The following PEX5 variants were observed in gnomAD, a reference collection of about 807,000 sequenced individuals.
PEX5 encodes the protein PTS1 receptor.
Under a neutral mutation model 82.9 loss-of-function variants are expected in PEX5, and 52 were observed. That is an observed-to-expected ratio of 0.63 (90% CI 0.50 to 0.79). The LOEUF (loss-of-function observed/expected upper bound fraction) is 0.79. Among genes scored for constraint, PEX5 ranks in the 30% least tolerant of loss-of-function variants. The probability of loss-of-function intolerance (pLI) is 0.00; values close to 1 mark genes in which losing one functional copy is unlikely to be tolerated. For missense variants in PEX5, 719 were observed against 815.2 expected (o/e 0.88, Z 1.44); for synonymous variants, 300 against 318.8 (o/e 0.94, Z 0.63).
downstream of PEX5, among the ~76,000 whole-genome samples, chr12:7,211,965 T>C (rs1945611048): frequency 2.1e-5 from 2 of 94,002 alleles, no homozygotes; most frequent in African/African-American, 8.1e-5. Flanking sequence ...ATTTTTTTTT[T>C]TTTGTTTTTT....
downstream of PEX5, among the ~76,000 whole-genome samples, chr12:7,212,580 G>A (rs1945651486): frequency 6.6e-6 from 1 of 151,826 alleles, no homozygotes; most frequent in African/African-American, 2.4e-5. Flanking sequence ...AATCATTTAT[G>A]GAATAATTTC....
downstream of PEX5, among the ~76,000 whole-genome samples, chr12:7,213,503 A>T (rs1164494675): frequency 5.1e-5 from 7 of 137,228 alleles, no homozygotes; most frequent in Non-Finnish European, 7.9e-5. Context: ...TAAATGGTGC[A>T]GGGAAAACTG....
chr12:7,212,545 C>G (rs1361817316), downstream of PEX5, among the ~76,000 whole-genome samples: 1 of 147,070 alleles, frequency 6.8e-6, no homozygotes. Flanking sequence ...ATTGTCCAGA[C>G]AGTGAAATAT....
chr12:7,215,829 C>T (rs965650093), downstream of PEX5, among the ~76,000 whole-genome samples: 7 of 152,094 alleles, frequency 4.6e-5, no homozygotes, highest in Admixed American at 4.6e-4. Flanking sequence ...CAAACCTCAG[C>T]GACATGCAGT....
In PEX5 at chr12:7,191,275, C is replaced by A; in HGVS notation, c.233C>A (p.Ala78Asp). 1 of 1,614,088 alleles carries A rather than the reference C, an allele frequency of 6.2e-7. No homozygotes were observed. The highest frequency in any genetic ancestry group is 8.5e-7 in the Non-Finnish European group (1 of 1,179,980). ...CAGAATGCACCCCTTGTGTCCCGTG[C>A]CCCTCAGACCTTCAAGATGGATGAC... is the stretch of plus-strand genomic sequence containing the variant. Reference protein sequence around the residue: ...QDQNAPLVSRAPQTFKMDDLL... With the variant: ...QDQNAPLVSRDPQTFKMDDLL... The change falls in exon 4 of 16, where the codon GCC (alanine) becomes GAC (aspartate). Residue 78 changes from alanine (A) to aspartate (D), a missense_variant. Physicochemically the swap from Ala to Asp is moderately radical, Grantham distance 126. Coordinates refer to ENST00000675855, the MANE Select transcript of PEX5 (RefSeq NM_001351132.2).
chr12:7,190,012 C>A, intron 1 of PEX5: 1 of 1,504,498 alleles, frequency 6.6e-7, no homozygotes, highest in Non-Finnish European at 8.8e-7. Context: ...ACTGTCCCTT[C>A]TTCGGGCAGT....
At chr12:7,212,027 G>A (rs4512930), downstream of PEX5, among the ~76,000 whole-genome samples, 63,083 of 149,712 alleles carry the variant, frequency 0.42, 14,901 homozygotes, top group Admixed American at 0.6. Flanking sequence ...GTGCAATGGC[G>A]TGATCTCAGC....
chr12:7,195,859 C>T (rs1450958), intron 5 of PEX5, among the ~76,000 whole-genome samples: 110,468 of 150,220 alleles, frequency 0.74, 41,345 homozygotes, highest in South Asian at 0.83. Context: ...ATCTCCTTTC[C>T]GTCTCCACAC....
chr12:7,202,922 C>T (rs1053789186), intron 9 of PEX5, among the ~76,000 whole-genome samples: 2 of 151,888 alleles, frequency 1.3e-5, no homozygotes, highest in Non-Finnish European at 2.9e-5. Flanking sequence ...TTTGGGAGCC[C>T]GAGGTGGGTG....
intron 7 of PEX5, 66 bp downstream of exon 7, chr12:7,201,907 T>C: frequency 3.5e-6 from 4 of 1,153,040 alleles, no homozygotes; most frequent in Non-Finnish European, 5.2e-6. Context: ...ATCTTGCTTT[T>C]CTTACCCCAG....
intron 10 of PEX5, among the ~76,000 whole-genome samples, chr12:7,205,015 A>T (rs1249904021): frequency 3.3e-5 from 5 of 152,224 alleles, no homozygotes. Flanking sequence ...CACTATGTAC[A>T]AAACTTAATC....
At chr12:7,206,448 G>A (rs151284022) in intron 10 of PEX5, among the ~76,000 whole-genome samples, 52 of 152,288 alleles carry the variant, frequency 3.4e-4, no homozygotes, top group Middle Eastern at 3.4e-3. Flanking sequence ...CTGGCCCTTC[G>A]CAGAAAAAGT....
intron 1 of PEX5, 193 bp from the exon 2 acceptor site, chr12:7,190,169 G>C (rs1940717496): frequency 1.3e-6 from 2 of 1,499,674 alleles, no homozygotes; most frequent in Middle Eastern, 2.4e-4. Context: ...TGGCCTTTGA[G>C]GGGGGCGGCA....
downstream of PEX5, among the ~76,000 whole-genome samples, chr12:7,215,536 T>C (rs1004486106): frequency 6.6e-6 from 1 of 152,214 alleles, no homozygotes; most frequent in African/African-American, 2.4e-5. Context: ...GTGATACATA[T>C]GCAATATAGA....
intron 8 of PEX5, 88 bp downstream of exon 8, chr12:7,202,439 A>C (rs1944210176): frequency 4.6e-6 from 7 of 1,527,492 alleles, no homozygotes; most frequent in Non-Finnish European, 5.4e-6. Flanking sequence ...CAGATGGGGA[A>C]GGATAAGACC....
At chr12:7,190,186 A>G in intron 1 of PEX5, 176 bp from the exon 2 acceptor site, 1 of 1,525,552 alleles carries the variant, frequency 6.6e-7, no homozygotes, top group Non-Finnish European at 8.8e-7. Context: ...GGCAGGAGAG[A>G]GTACCGACCT....
chr12:7,208,433 G>A (rs774035395), intron 12 of PEX5, 24 bp from the exon 13 acceptor site: 3 of 1,572,656 alleles, frequency 1.9e-6, no homozygotes, highest in Non-Finnish European at 2.6e-6. Context: ...CAGATATCAA[G>A]TCTGCCCATC....
At position 7,210,882 on chromosome 12, in the gene PEX5, CAG is replaced by C. The variant is rs1491367784; in HGVS notation, c.*662_*663del. 1.8e-5 allele frequency: 3 copies of C among 169,554 alleles called. No homozygotes were observed. Among genetic ancestry groups the C allele is most frequent in the East Asian group, 3.1e-4 (2 of 6,430 alleles). 10.5% of individuals were successfully genotyped at this position (169,554 alleles called of 1,614,324 possible). A position where few individuals can be genotyped will look rare whatever the true frequency, so the allele number is the denominator to read the frequency against. ...CAGGAGCTGCCAGGGCCAATTGCTA[CAG>C]AGTGTCTGGGTGTGTGGCATAGGAG... On this transcript the variant is annotated 3_prime_UTR_variant, in exon 16 of 16. Transcript: ENST00000675855.
chr12:7,216,546 CAT>C (rs1945786111), intron 17 of PEX5, among the ~76,000 whole-genome samples: 2 of 151,418 alleles, frequency 1.3e-5, no homozygotes, highest in Non-Finnish European at 1.5e-5. Context: ...ATTGAATTAT[CAT>C]ATTTATTTTA....
Sources: allele counts gnomAD v4.1 joint callset (sites outside exome capture counted in the v4.1 genomes callset), GRCh38; gene constraint gnomAD v4.1.1; transcripts MANE v1.5; gene names NCBI Gene and HGNC (gene_info 2026-07-23, HGNC 2026-07-21).